SH3RF1: variants seen among roughly 807,000 people sequenced by gnomAD.
The protein encoded by SH3RF1 is E3 ubiquitin-protein ligase SH3RF1.
SH3RF1 carries 32 observed loss-of-function variants against 74.0 expected under a neutral mutation model. That is an observed-to-expected ratio of 0.43 (90% CI 0.33 to 0.58). The LOEUF (loss-of-function observed/expected upper bound fraction) is 0.58, where lower values mean the gene tolerates loss of function less well. SH3RF1 is among the 20% of genes least tolerant of loss of function. The pLI, the probability that SH3RF1 is intolerant of heterozygous loss-of-function variation, is 0.05. For missense variants in SH3RF1, 954 were observed against 1,130.9 expected (o/e 0.84, Z 2.24); for synonymous variants, 396 against 439.6 (o/e 0.90, Z 1.24).
intron 2 of SH3RF1, among the ~76,000 whole-genome samples, chr4:169,260,778 G>A (rs887414356): frequency 2.0e-5 from 3 of 152,190 alleles, no homozygotes; most frequent in African/African-American, 7.2e-5. Context: ...GGTTGCCAAA[G>A]AGATCTGCAT....
intron 2 of SH3RF1, among the ~76,000 whole-genome samples, chr4:169,225,336 C>T (rs1234307361): frequency 1.3e-5 from 2 of 152,120 alleles, no homozygotes; most frequent in Non-Finnish European, 2.9e-5. Flanking sequence ...AGAGCTCCAG[C>T]ACAAGTGAGG....
chr4:169,257,563 C>T (rs1451380362), intron 2 of SH3RF1, among the ~76,000 whole-genome samples: 1 of 152,202 alleles, frequency 6.6e-6, no homozygotes, highest in Non-Finnish European at 1.5e-5. Context: ...TACCTGCCTC[C>T]CCGCTCTTTC....
At chr4:169,109,549 G>A (rs371520528) in intron 10 of SH3RF1, among the ~76,000 whole-genome samples, 2 of 152,144 alleles carry the variant, frequency 1.3e-5, no homozygotes, top group Non-Finnish European at 2.9e-5. Flanking sequence ...TGCTGTCCTA[G>A]TTCCAAGGAA....
intron 2 of SH3RF1, among the ~76,000 whole-genome samples, chr4:169,177,761 T>C (rs1336727845): frequency 6.6e-6 from 1 of 152,160 alleles, no homozygotes; most frequent in Non-Finnish European, 1.5e-5. Flanking sequence ...CCATAAAGTT[T>C]AGAGGTTAAA....
intron 2 of SH3RF1, among the ~76,000 whole-genome samples, chr4:169,218,250 A>G (rs1169589857): frequency 7.0e-6 from 1 of 143,726 alleles, no homozygotes; most frequent in Non-Finnish European, 1.5e-5. Flanking sequence ...AATATAGAAT[A>G]TGTTTATATA....
intron 2 of SH3RF1, among the ~76,000 whole-genome samples, chr4:169,267,673 T>C (rs1321058750): frequency 2.6e-5 from 4 of 152,192 alleles, no homozygotes; most frequent in Admixed American, 6.5e-5. Context: ...CTTAAATACT[T>C]CCTATCATTT....
chr4:169,191,675 G>A (rs892932609), intron 2 of SH3RF1, among the ~76,000 whole-genome samples: 53 of 152,116 alleles, frequency 3.5e-4, no homozygotes, highest in African/African-American at 1.2e-3. Context: ...CAATAGCATG[G>A]TACTGGTATA....
intron 4 of SH3RF1, among the ~76,000 whole-genome samples, chr4:169,148,310 GA>G (rs1733925139): frequency 6.6e-6 from 1 of 152,176 alleles, no homozygotes; most frequent in Admixed American, 6.6e-5. Context: ...GTGTCCCCCT[GA>G]GCAAGACATT....
intron 2 of SH3RF1, among the ~76,000 whole-genome samples, chr4:169,193,173 A>G (rs1326141080): frequency 3.9e-5 from 6 of 151,964 alleles, no homozygotes; most frequent in Non-Finnish European, 8.8e-5. Context: ...TAGACCACAA[A>G]TAGAGCTCAG....
At chr4:169,230,230 A>G (rs1730713845) in intron 2 of SH3RF1, among the ~76,000 whole-genome samples, 2 of 152,186 alleles carry the variant, frequency 1.3e-5, no homozygotes, top group South Asian at 4.1e-4. Flanking sequence ...AACAATGTTT[A>G]ATTCAATATG....
At chr4:169,218,616 C>G (rs955243955) in intron 2 of SH3RF1, among the ~76,000 whole-genome samples, 45 of 151,582 alleles carry the variant, frequency 3.0e-4, no homozygotes, top group Non-Finnish European at 5.4e-4. Flanking sequence ...CAGGGAAGGG[C>G]AGCTGCAGAC....
Position 169,120,954 on chromosome 4 carries a change from T to C in SH3RF1, c.1382A>G (p.Glu461Gly). Residue 461 changes from glutamate (E) to glycine (G), a missense_variant, in exon 8 of 12, where the codon GAG becomes GGG. Coordinates refer to ENST00000284637, the MANE Select transcript of SH3RF1 (RefSeq NM_020870.4). ...CCCTTTTCTCAGCTCTAGTTCATCC[T>C]CTTTCCGAGGAGTGTATGGATATAT... ...VAIYPYTPRK[E>G]DELELRKGEM... 6.2e-7 allele frequency: 1 copy of C among 1,614,162 alleles called. No individual in the cohort carries two copies. The highest frequency in any genetic ancestry group is 8.5e-7 in the Non-Finnish European group (1 of 1,179,984).
chr4:169,148,256 A>C (rs899084545), intron 4 of SH3RF1, among the ~76,000 whole-genome samples: 1 of 152,228 alleles, frequency 6.6e-6, no homozygotes, highest in East Asian at 1.9e-4. Flanking sequence ...GAAGCGATGA[A>C]CTGCAGAGTG....
chr4:169,122,000 G>A lies in SH3RF1; in HGVS notation c.1346+100C>T, dbSNP rs577700984. The stretch of plus-strand genomic sequence containing the variant: ...CACAGACCGCTTGGTGAGCCATAAC[G>A]CTGTCATCAGCTCATGTCAGAAAGG... On this transcript the variant is annotated intron_variant, in intron 7 of 11. Transcript: ENST00000284637. 18 of 1,472,384 alleles carry A rather than the reference G, an allele frequency of 1.2e-5. No homozygotes were observed. The African/African-American group carries it at 1.9e-4, about 16-fold the overall frequency. 91.2% of individuals were successfully genotyped at this position (1,472,384 alleles called of 1,614,324 possible).
chr4:169,122,336 A>C, intron 6 of SH3RF1, 70 bp from the exon 7 acceptor site: 1 of 1,468,684 alleles, frequency 6.8e-7, no homozygotes, highest in Non-Finnish European at 9.2e-7. Context: ...CTTCCTATGG[A>C]AGGTGGGAGA....
chr4:169,175,127 C>T (rs770900780), intron 2 of SH3RF1, among the ~76,000 whole-genome samples: 15 of 152,178 alleles, frequency 9.9e-5, no homozygotes, highest in Non-Finnish European at 2.1e-4. Context: ...TTTCACATTG[C>T]ACATCCACTT....
intron 4 of SH3RF1, among the ~76,000 whole-genome samples, chr4:169,141,639 CTTT>C (rs112366388): frequency 2.9e-5 from 4 of 139,780 alleles, no homozygotes; most frequent in Admixed American, 7.1e-5. Flanking sequence ...GATATAAATA[CTTT>C]TTTTTTTTTT....
intron 2 of SH3RF1, among the ~76,000 whole-genome samples, chr4:169,232,040 G>A (rs916335511): frequency 1.2e-4 from 18 of 152,176 alleles, no homozygotes; most frequent in African/African-American, 4.3e-4. Context: ...CCAGGTTTCT[G>A]GTTAGGTAGA....
chr4:169,253,222 C>A (rs1295920249), intron 2 of SH3RF1, among the ~76,000 whole-genome samples: 10 of 152,194 alleles, frequency 6.6e-5, no homozygotes, highest in African/African-American at 2.2e-4. Flanking sequence ...AGTTACCAAA[C>A]CTTCCTAGCA....
Sources: allele counts gnomAD v4.1 joint callset (sites outside exome capture counted in the v4.1 genomes callset), GRCh38; gene constraint gnomAD v4.1.1; transcripts MANE v1.5; gene names NCBI Gene and HGNC (gene_info 2026-07-23, HGNC 2026-07-21).